Variants in PIK3C2G observed in about 807,000 individuals in gnomAD.
PIK3C2G encodes the protein phosphatidylinositol 3-kinase C2 domain-containing subunit gamma.
A neutral mutation model predicts 181.1 loss-of-function variants in PIK3C2G; 168 were observed. The observed-to-expected ratio is 0.93, with a 90% CI of 0.82 to 1.05. PIK3C2G has a LOEUF of 1.05. Among genes scored for constraint, PIK3C2G ranks in the 50% least tolerant of loss-of-function variants. The pLI, the probability that PIK3C2G is intolerant of heterozygous loss-of-function variation, is 0.00. For missense variants in PIK3C2G, 1,869 were observed against 1,732.8 expected, an observed-to-expected ratio of 1.08 and a Z score of -1.40; for synonymous variants, 573 against 592.2, an observed-to-expected ratio of 0.97 and a Z score of 0.47.
intron 31 of PIK3C2G, among the ~76,000 whole-genome samples, chr12:18,623,340 C>T (rs1299954275): frequency 6.6e-6 from 1 of 151,536 alleles, no homozygotes; most frequent in African/African-American, 2.4e-5. Context: ...TCTTGTTGAT[C>T]AATTGACTGT....
chr12:18,681,137 G>T, the PIK3C2G span, among the ~76,000 whole-genome samples: 1 of 151,970 alleles, frequency 6.6e-6, no homozygotes, highest in African/African-American at 2.4e-5. Flanking sequence ...TGTTCAACAA[G>T]GAAACACGAC....
chr12:18,376,678 A>G (rs187786640), intron 13 of PIK3C2G, among the ~76,000 whole-genome samples: 1 of 152,182 alleles, frequency 6.6e-6, no homozygotes, highest in Admixed American at 6.5e-5. Context: ...TGTAGTTTCC[A>G]GTGTTGGAGG....
intron 16 of PIK3C2G, among the ~76,000 whole-genome samples, chr12:18,411,525 A>G (rs1461188554): frequency 6.6e-6 from 1 of 152,146 alleles, no homozygotes. Context: ...AGAAAAAAAA[A>G]TTCTTGTCAC....
At chr12:18,443,639 G>A (rs11044121) in intron 18 of PIK3C2G, among the ~76,000 whole-genome samples, 37,646 of 151,892 alleles carry the variant, frequency 0.25, 5,020 homozygotes, top group Admixed American at 0.35. Context: ...AAAAAACAAA[G>A]AGAACAACTG....
chr12:18,485,024 T>C lies in PIK3C2G; in HGVS notation c.2505-3425T>C, dbSNP rs533660720. ...GTGATCTGAAATCACTCATCTCTAT[T>C]GTGTAGCTCAATTCTTTTCTGTTAC... On this transcript the variant is annotated intron_variant, in intron 18 of 32. Transcript: ENST00000538779. Among the ~76,000 whole-genome samples, 6 of 152,260 alleles carry C rather than the reference T, an allele frequency of 3.9e-5. No individual in the cohort carries two copies. The South Asian group carries it at 1.2e-3, about 32-fold the overall frequency.
intron 31 of PIK3C2G, among the ~76,000 whole-genome samples, chr12:18,632,942 C>T (rs1468226813): frequency 1.3e-4 from 20 of 152,072 alleles, no homozygotes; most frequent in Non-Finnish European, 1.5e-5. Context: ...TCTGGGCATC[C>T]TGTGAATGAG....
chr12:18,587,993 C>G (rs775573111), intron 29 of PIK3C2G, among the ~76,000 whole-genome samples: 1 of 151,868 alleles, frequency 6.6e-6, no homozygotes, highest in South Asian at 2.1e-4. Context: ...CTGACAAAAG[C>G]AATGGGGAAA....
intron 5 of PIK3C2G, among the ~76,000 whole-genome samples, chr12:18,307,261 A>C (rs867619691): frequency 9.9e-5 from 15 of 151,636 alleles, no homozygotes; most frequent in African/African-American, 3.6e-4. Flanking sequence ...CTTAAATGAC[A>C]AGTATACTCA....
rs530130261 is a variant in PIK3C2G, at chr12:18,449,412, C to T, written c.2504+25373C>T. Among the ~76,000 whole-genome samples, 8 of 152,118 alleles carry T rather than the reference C, an allele frequency of 5.3e-5. 1 individual carries two copies. The South Asian group carries it at 1.7e-3, about 32-fold the overall frequency. On this transcript the variant is annotated intron_variant, in intron 18 of 32. Coordinates refer to ENST00000538779, the MANE Select transcript of PIK3C2G (RefSeq NM_001288772.2). ...AACACGTCATCTAGGTTTTAAGCTCCACATGCATTAGGTATCTGTCCTAAT... is the reference window on the plus strand; with the variant it reads ...AACACGTCATCTAGGTTTTAAGCTCTACATGCATTAGGTATCTGTCCTAAT...
At chr12:18,332,754 GCTCCTC>G (rs762408686) in intron 8 of PIK3C2G, among the ~76,000 whole-genome samples, 1 of 152,102 alleles carries the variant, frequency 6.6e-6, no homozygotes, top group African/African-American at 2.4e-5. Context: ...AGGGTTTGCT[GCTCCTC>G]CTCGTGCAGC....
intron 29 of PIK3C2G, among the ~76,000 whole-genome samples, chr12:18,588,415 C>T (rs1946901364): frequency 6.6e-6 from 1 of 151,920 alleles, no homozygotes. Context: ...AAAACAACCC[C>T]ATTAAAATGT....
At chr12:18,653,574 T>G in the PIK3C2G span, among the ~76,000 whole-genome samples, 4 of 152,176 alleles carry the variant, frequency 2.6e-5, no homozygotes, top group Non-Finnish European at 5.9e-5. Context: ...CCAAATTGTG[T>G]TCCTTTGTAT....
the PIK3C2G span, chr12:18,693,345 T>A: frequency 6.3e-7 from 1 of 1,582,330 alleles, no homozygotes; most frequent in Non-Finnish European, 8.7e-7. Context: ...TACTGGGGGG[T>A]TGGACAACCA....
chr12:18,319,009 C>T lies in PIK3C2G; in HGVS notation c.1138-1953C>T, dbSNP rs577608325. On this transcript the variant is annotated intron_variant, in intron 6 of 32. Transcript: ENST00000538779. ...CTGAGGCACAAGAATCGCTTGAACCCGGGAGGTGGAGGTTGTAGTGAGCCG... is the reference window on the plus strand; with the variant it reads ...CTGAGGCACAAGAATCGCTTGAACCTGGGAGGTGGAGGTTGTAGTGAGCCG... Among the ~76,000 whole-genome samples the T allele has an allele frequency of 1.5e-4, 22 of 151,148 alleles. No homozygotes were observed. In the South Asian group the frequency reaches 3.8e-3, roughly 26 times the overall value.
chr12:18,582,869 G>A (rs1451356805), intron 29 of PIK3C2G, among the ~76,000 whole-genome samples: 1 of 151,836 alleles, frequency 6.6e-6, no homozygotes, highest in Non-Finnish European at 1.5e-5. Context: ...CCTCCCAGCT[G>A]GTATCACCAG....
intron 24 of PIK3C2G, among the ~76,000 whole-genome samples, chr12:18,534,115 A>T (rs1398297233): frequency 6.6e-6 from 1 of 151,184 alleles, no homozygotes; most frequent in Non-Finnish European, 1.5e-5. Flanking sequence ...GTGCCTGGAT[A>T]ACTTTTGTAT....
intron 8 of PIK3C2G, among the ~76,000 whole-genome samples, chr12:18,326,232 T>C (rs74070218): frequency 0.022 from 3,393 of 152,226 alleles, 148 homozygotes; most frequent in African/African-American, 0.078. Flanking sequence ...TGGTCACCTA[T>C]TGGGCACTGA....
At chr12:18,523,116 G>T (rs1282768877) in intron 24 of PIK3C2G, among the ~76,000 whole-genome samples, 1 of 151,634 alleles carries the variant, frequency 6.6e-6, no homozygotes, top group Non-Finnish European at 1.5e-5. Context: ...ATATTTCTTT[G>T]TAAGATGTAT....
intron 18 of PIK3C2G, among the ~76,000 whole-genome samples, chr12:18,476,514 G>A (rs757793826): frequency 4.6e-5 from 7 of 151,946 alleles, no homozygotes; most frequent in Non-Finnish European, 8.8e-5. Context: ...AAGAGAGGGC[G>A]GGAAAAAATT....
Sources: gnomAD v4.1 joint callset for allele counts (sites outside exome capture counted in the v4.1 genomes callset) on GRCh38, gnomAD v4.1.1 for gene constraint, MANE v1.5 for transcripts, NCBI Gene and HGNC (gene_info 2026-07-23, HGNC 2026-07-21) for gene names.